Variants in MICAL2 observed in about 807,000 individuals in gnomAD.
MICAL2 encodes [F-actin]-monooxygenase MICAL2.
Under a neutral mutation model 127.3 loss-of-function variants are expected in MICAL2, and 77 were observed. That is an observed-to-expected ratio of 0.60 (90% CI 0.50 to 0.73). The LOEUF is 0.73. MICAL2 is among the 30% of genes least tolerant of loss of function. The pLI is 0.00. For missense variants in MICAL2, 1,351 were observed against 1,434.4 expected, an observed-to-expected ratio of 0.94 and a Z score of 0.94; for synonymous variants, 570 against 551.1, an observed-to-expected ratio of 1.03 and a Z score of -0.48.
intron 23 of MICAL2, 197 bp from the exon 24 acceptor site, chr11:12,256,588 C>T: frequency 1.9e-6 from 1 of 516,292 alleles, no homozygotes; most frequent in Non-Finnish European, 3.4e-6. Flanking sequence ...GTACAGTTAA[C>T]AGAAGCCCCT....
At chr11:12,279,213 G>C (rs1282855232) in intron 1 of MICAL2, among the ~76,000 whole-genome samples, 42 of 152,192 alleles carry the variant, frequency 2.8e-4, no homozygotes, top group Admixed American at 2.7e-3. Context: ...CTGCATCAGA[G>C]GCTGCTGGAG....
At chr11:12,159,832 G>A (rs1022486933) in intron 2 of MICAL2, among the ~76,000 whole-genome samples, 1 of 152,186 alleles carries the variant, frequency 6.6e-6, no homozygotes, top group African/African-American at 2.4e-5. Context: ...GACATAGTAG[G>A]AGGCAGTGTT....
chr11:12,324,044 G>T lies in MICAL2; in HGVS notation c.5395G>T (p.Glu1799Ter), dbSNP rs1263643001. The stretch of plus-strand genomic sequence containing the variant: ...AATGAAGCAGTTGGTTAAGCAAGAA[G>T]AATTGAAAAGACTCTATAAGGCTCA... The change falls in exon 31 of 35, where the codon GAA becomes TAA. Residue 1799 changes from glutamate to a stop codon, truncating the protein, a stop_gained. Transcript: ENST00000646065. LOFTEE classifies it high-confidence loss of function. The T allele has an allele frequency of 6.2e-7, 1 of 1,613,482 alleles. No individual in the cohort carries two copies. The highest frequency in any genetic ancestry group is 1.7e-5 in the Admixed American group (1 of 59,942).
intron 3 of MICAL2, among the ~76,000 whole-genome samples, chr11:12,187,102 C>T (rs1356555498): frequency 6.6e-6 from 1 of 152,230 alleles, no homozygotes; most frequent in Non-Finnish European, 1.5e-5. Flanking sequence ...TCTGCTCTCT[C>T]CCCGTGTGGG....
chr11:12,239,820 A>G (rs371349336), intron 17 of MICAL2, among the ~76,000 whole-genome samples: 3 of 152,272 alleles, frequency 2.0e-5, no homozygotes, highest in South Asian at 2.1e-4. Flanking sequence ...TGAAAGCAGC[A>G]GTAGACAATA....
chr11:12,315,331 C>T lies in MICAL2; in HGVS notation c.5213-4365C>T, dbSNP rs922645882. ...TAAACAAGGTAAAGCCATACATTTC[C>T]CTCTGGGCACTGCTTTAGCTGAATC... On this transcript the variant is annotated intron_variant, in intron 29 of 34. Coordinates refer to the MICAL2 transcript ENST00000646065. Among the ~76,000 whole-genome samples the T allele has an allele frequency of 3.9e-5, 6 of 152,156 alleles. No homozygotes were observed. The South Asian group carries it at 1.2e-3, about 32-fold the overall frequency.
At chr11:12,168,290 C>T (rs373618228) in intron 3 of MICAL2, among the ~76,000 whole-genome samples, 7 of 151,264 alleles carry the variant, frequency 4.6e-5, no homozygotes, top group African/African-American at 1.2e-4. Flanking sequence ...CATACACACA[C>T]GCCACACACC....
chr11:12,221,690 C>T lies in MICAL2; in HGVS notation c.1253C>T (p.Ala418Val). 1.2e-6 allele frequency: 2 copies of T among 1,613,864 alleles called. No homozygotes were observed. Among genetic ancestry groups the T allele is most frequent in the Non-Finnish European group, 1.7e-6 (2 of 1,179,888 alleles). Residue 418 changes from alanine to valine, a missense_variant, in exon 10 of 28, where the codon GCC becomes GTC. Transcript: ENST00000683283. ...GTGCARGFLA[A>V]FDTAWMVKSW... ...GGCTGTGCCCGTGGCTTCCTGGCAG[C>T]CTTTGACACGGCATGGATGGTGAAG...
chr11:12,337,095 G>A (rs529242833), intron 32 of MICAL2, among the ~76,000 whole-genome samples: 1 of 152,212 alleles, frequency 6.6e-6, no homozygotes, highest in Non-Finnish European at 1.5e-5. Context: ...GACTTGTTTT[G>A]GTTGGTAAGC....
intron 1 of MICAL2, among the ~76,000 whole-genome samples, chr11:12,122,483 A>G (rs949383787): frequency 2.0e-5 from 3 of 152,208 alleles, no homozygotes; most frequent in Non-Finnish European, 4.4e-5. Context: ...ATCCTGGCTC[A>G]CTGCAACCTC....
At chr11:12,357,698 C>T (rs1948472) in intron 34 of MICAL2, among the ~76,000 whole-genome samples, 15,867 of 151,922 alleles carry the variant, frequency 0.1, 2,095 homozygotes, top group African/African-American at 0.31. Context: ...ATTGGCCAGG[C>T]GTGGTGGGAG....
downstream of MICAL2, chr11:12,292,348 T>C (rs751140800): frequency 1.9e-6 from 3 of 1,579,530 alleles, no homozygotes; most frequent in African/African-American, 1.3e-5. Flanking sequence ...AACCTACCTG[T>C]ACTCTTCCCA....
In MICAL2 at chr11:12,224,832, G is replaced by T. The variant is rs1400479350; in HGVS notation, c.1688+12G>T. On this transcript the variant is annotated intron_variant, in intron 13 of 27. Transcript: ENST00000683283. Reference sequence around the variant, plus strand: ...CGGCCTGAGCTCATGTGAGTCTGGGGCCCAGGCTGGCCCCTGGAGACGAGG... The same window carrying T: ...CGGCCTGAGCTCATGTGAGTCTGGGTCCCAGGCTGGCCCCTGGAGACGAGG... 1.9e-6 allele frequency: 3 copies of T among 1,599,040 alleles called. No individual in the cohort carries two copies. Among genetic ancestry groups the T allele is most frequent in the South Asian group, 1.1e-5 (1 of 90,766 alleles).
intron 22 of MICAL2, among the ~76,000 whole-genome samples, chr11:12,251,577 TAAAAAAA>T (rs536942703): frequency 2.5e-4 from 23 of 93,840 alleles, no homozygotes; most frequent in South Asian, 2.4e-3. Flanking sequence ...CATTTCACTT[TAAAAAAA>T]AAAAAAAAAA....
chr11:12,205,008 G>A (rs1256862902), intron 4 of MICAL2, among the ~76,000 whole-genome samples: 4 of 152,262 alleles, frequency 2.6e-5, no homozygotes, highest in African/African-American at 9.6e-5. Context: ...TAGAGCAGAG[G>A]AAAGAAATAA....
At chr11:12,255,580 C>T in intron 22 of MICAL2, 63 bp from the exon 23 acceptor site, 1 of 1,449,354 alleles carries the variant, frequency 6.9e-7, no homozygotes, top group Non-Finnish European at 9.6e-7. Context: ...CTTGTGTTTT[C>T]CTCCTGGGTG....
At chr11:12,239,354 C>T in intron 16 of MICAL2, 82 bp from the exon 17 acceptor site, 1 of 1,589,404 alleles carries the variant, frequency 6.3e-7, no homozygotes, top group Non-Finnish European at 8.6e-7. Flanking sequence ...GAAGCTAGTC[C>T]CACGTCCTGA....
intron 1 of MICAL2, among the ~76,000 whole-genome samples, chr11:12,279,577 A>T (rs1212580930): frequency 6.6e-6 from 1 of 152,194 alleles, no homozygotes; most frequent in Non-Finnish European, 1.5e-5. Flanking sequence ...AGCTTCGGTA[A>T]CAAAGGCAAA....
downstream of MICAL2, among the ~76,000 whole-genome samples, chr11:12,290,001 A>C (rs1863876603): frequency 6.6e-6 from 1 of 152,204 alleles, no homozygotes; most frequent in South Asian, 2.1e-4. Flanking sequence ...TATGTGTGTG[A>C]AGGAGTGGAC....
Sources: allele counts gnomAD v4.1 joint callset (sites outside exome capture counted in the v4.1 genomes callset), GRCh38; gene constraint gnomAD v4.1.1; transcripts MANE v1.5; gene names NCBI Gene and HGNC (gene_info 2026-07-23, HGNC 2026-07-21).